The following DDAH1 variants were observed in gnomAD, a reference collection of about 807,000 sequenced individuals.
DDAH1 encodes the protein N(G),N(G)-dimethylarginine dimethylaminohydrolase 1.
In DDAH1, 19 loss-of-function variants were observed where a neutral mutation model predicts 28.8. That is an observed-to-expected ratio of 0.66 (90% CI 0.46 to 0.97). The LOEUF (loss-of-function observed/expected upper bound fraction) is 0.97, where lower values mean the gene tolerates loss of function less well. Among genes scored for constraint, DDAH1 ranks in the 50% least tolerant of loss-of-function variants. The pLI is 0.00. For synonymous variants in DDAH1, 153 were observed against 154.4 expected (o/e 0.99, Z 0.07); for missense variants, 326 against 375.9 (o/e 0.87, Z 1.10).
intron 4 of DDAH1, among the ~76,000 whole-genome samples, chr1:85,349,582 CTTGATCTAG>C (rs1201907904): frequency 1.3e-5 from 2 of 152,188 alleles, no homozygotes; most frequent in Non-Finnish European, 2.9e-5. Context: ...GGGTGAGTCA[CTTGATCTAG>C]TTTTCTCATC....
intron 1 of DDAH1, among the ~76,000 whole-genome samples, chr1:85,538,242 G>A (rs1256736733): frequency 6.6e-6 from 1 of 152,212 alleles, no homozygotes; most frequent in African/African-American, 2.4e-5. Flanking sequence ...TAGTGGACAT[G>A]AGCTCATTCA....
chr1:85,550,414 C>T (rs781279569), intron 1 of DDAH1, among the ~76,000 whole-genome samples: 3 of 152,168 alleles, frequency 2.0e-5, no homozygotes, highest in African/African-American at 7.2e-5. Context: ...CCCTTCACCC[C>T]ACCTCCTGAA....
chr1:85,525,905 T>C (rs1196399689), intron 1 of DDAH1, among the ~76,000 whole-genome samples: 1 of 152,238 alleles, frequency 6.6e-6, no homozygotes, highest in Admixed American at 6.5e-5. Context: ...TTCATAGTGA[T>C]TCTTTAAAAA....
intron 3 of DDAH1, 24 bp downstream of exon 3, chr1:85,351,482 A>T (rs371236009): frequency 1.3e-6 from 2 of 1,587,992 alleles, no homozygotes; most frequent in Non-Finnish European, 1.7e-6. Context: ...GCTTTGTGCC[A>T]GGCATAAACT....
chr1:85,358,691 A>G, intron 2 of DDAH1, 57 bp downstream of exon 2: 1 of 1,254,622 alleles, frequency 8.0e-7, no homozygotes, highest in Non-Finnish European at 1.1e-6. Flanking sequence ...TAAAACAAGT[A>G]AATACAAGCC....
rs1159568207 is a variant in DDAH1, at chr1:85,319,708, A to G, written c.*1744T>C. The G allele has an allele frequency of 6.6e-6, 1 of 152,246 alleles. No homozygotes were observed. Among genetic ancestry groups the G allele is most frequent in the African/African-American group, 2.4e-5 (1 of 41,464 alleles). 9.4% of individuals were successfully genotyped at this position (152,246 alleles called of 1,614,324 possible). ...GACCAAGACGTGGTTTATTCACAGGATGCACATAATTGGATATCTGCATAT... is the reference window on the plus strand; with the variant it reads ...GACCAAGACGTGGTTTATTCACAGGGTGCACATAATTGGATATCTGCATAT... On this transcript the variant is annotated 3_prime_UTR_variant, in exon 6 of 6. Coordinates refer to ENST00000284031, the MANE Select transcript of DDAH1 (RefSeq NM_012137.4).
chr1:85,501,532 C>A (rs945388913), intron 1 of DDAH1, among the ~76,000 whole-genome samples: 4 of 152,308 alleles, frequency 2.6e-5, no homozygotes, highest in Admixed American at 6.5e-5. Flanking sequence ...GGACCTGTTT[C>A]TCTGTGCAGC....
At chr1:85,554,286 T>TG (rs1350403552) in intron 1 of DDAH1, among the ~76,000 whole-genome samples, 39 of 150,250 alleles carry the variant, frequency 2.6e-4, no homozygotes, top group African/African-American at 9.3e-4. Flanking sequence ...GTTTTTTTTT[T>TG]TTTTTTTTTT....
rs371369530 is a variant in DDAH1, at chr1:85,329,122, G to A, written c.598-4239C>T. Among the ~76,000 whole-genome samples the A allele has an allele frequency of 2.6e-3, 399 of 152,338 alleles. 2 individuals are homozygous for A. The highest frequency in any genetic ancestry group is 0.019 in the South Asian group (92 of 4,828). On this transcript the variant is annotated intron_variant, in intron 4 of 5. Coordinates refer to ENST00000284031, the MANE Select transcript of DDAH1 (RefSeq NM_012137.4). ...CAGTGTGACTCATGCATGTCCGGAG[G>A]TGACTACAAAGCAAAAGCATGGAAT...
intron 1 of DDAH1, among the ~76,000 whole-genome samples, chr1:85,517,988 C>T (rs934807128): frequency 1.3e-5 from 2 of 152,184 alleles, no homozygotes; most frequent in African/African-American, 4.8e-5. Flanking sequence ...AGATGTTATT[C>T]ATAAAGTATC....
At position 85,423,628 on chromosome 1, in the gene DDAH1, T is replaced by C. The variant is rs555913580; in HGVS notation, c.303+41115A>G. On this transcript the variant is annotated intron_variant, in intron 1 of 5. Coordinates refer to ENST00000284031, the MANE Select transcript of DDAH1 (RefSeq NM_012137.4). ...TGTAAGAAAGCAATCAACTTTTGTA[T>C]ATTAACATTGTGCCCTGAAATCTTG... 1.1e-4 allele frequency among the ~76,000 whole-genome samples: 17 copies of C among 152,326 alleles called. No homozygotes were observed. The South Asian group carries it at 2.3e-3, about 20-fold the overall frequency.
At chr1:85,374,734 A>G (rs1448488853) in intron 1 of DDAH1, among the ~76,000 whole-genome samples, 1 of 152,128 alleles carries the variant, frequency 6.6e-6, no homozygotes, top group African/African-American at 2.4e-5. Flanking sequence ...TTATAAAATT[A>G]TACTATAAGC....
At chr1:85,503,291 G>A (rs537882517) in intron 1 of DDAH1, among the ~76,000 whole-genome samples, 15 of 152,146 alleles carry the variant, frequency 9.9e-5, no homozygotes, top group South Asian at 2.1e-4. Context: ...TGCAACCTCC[G>A]CCTCCTGGGT....
intron 1 of DDAH1, among the ~76,000 whole-genome samples, chr1:85,496,509 T>C (rs779558738): frequency 1.1e-4 from 16 of 152,338 alleles, no homozygotes; most frequent in East Asian, 1.9e-4. Context: ...ACCTACAGAA[T>C]GGCAAATGTC....
At chr1:85,402,806 G>A (rs1652180384) in intron 1 of DDAH1, among the ~76,000 whole-genome samples, 1 of 151,596 alleles carries the variant, frequency 6.6e-6, no homozygotes, top group African/African-American at 2.4e-5. Flanking sequence ...CTACTTGGGA[G>A]GCTGAGACAG....
chr1:85,473,807 C>G (rs1454082880), intron 2 of DDAH1, among the ~76,000 whole-genome samples: 1 of 152,178 alleles, frequency 6.6e-6, no homozygotes, highest in Non-Finnish European at 1.5e-5. Context: ...CCAGAGTTCT[C>G]TAGCCTCCAT....
chr1:85,390,495 A>G (rs748750208), intron 1 of DDAH1, among the ~76,000 whole-genome samples: 19 of 152,196 alleles, frequency 1.2e-4, no homozygotes, highest in Admixed American at 2.6e-4. Context: ...GAAGGACTGG[A>G]GATTAGACTC....
chr1:85,537,610 C>A (rs1276077085), intron 1 of DDAH1, among the ~76,000 whole-genome samples: 2 of 145,034 alleles, frequency 1.4e-5, no homozygotes, highest in Admixed American at 7.0e-5. Context: ...GTAGGAATAA[C>A]TGTGCAATAG....
chr1:85,473,503 A>ACG (rs982885653), intron 2 of DDAH1, among the ~76,000 whole-genome samples: 1 of 151,930 alleles, frequency 6.6e-6, no homozygotes, highest in Admixed American at 6.6e-5. Flanking sequence ...ACACACACGC[A>ACG]CGCGCACAGG....
Sources: allele counts gnomAD v4.1 joint callset (sites outside exome capture counted in the v4.1 genomes callset), GRCh38; gene constraint gnomAD v4.1.1; transcripts MANE v1.5; gene names NCBI Gene and HGNC (gene_info 2026-07-23, HGNC 2026-07-21).